SRRM1: variants seen among roughly 807,000 people sequenced by gnomAD.
The protein encoded by SRRM1 is serine and arginine repetitive matrix 1.
Under a neutral mutation model 110.2 loss-of-function variants are expected in SRRM1, and 19 were observed. That is an observed-to-expected ratio of 0.17 (90% CI 0.12 to 0.25). The LOEUF is 0.25. Among genes scored for constraint, SRRM1 ranks in the 10% least tolerant of loss-of-function variants. SRRM1 has a pLI of 1.00. For missense variants in SRRM1, 918 were observed against 1,145.8 expected (o/e 0.80, Z 2.87); for synonymous variants, 443 against 414.9 (o/e 1.07, Z -0.82).
In SRRM1 at chr1:24,652,044, A is replaced by ATATATATATATT. The variant is rs1661136556; in HGVS notation, c.726-379_726-378insTTATATATATAT. ...CTGTACTAAAAATATATATATATAT[A>ATATATATATATT]TATATATATATATATATATGTACAC... is the stretch of plus-strand genomic sequence containing the variant. On this transcript the variant is annotated intron_variant, in intron 6 of 16. Transcript: ENST00000323848. Among the ~76,000 whole-genome samples the ATATATATATATT allele has an allele frequency of 2.4e-5, 3 of 125,784 alleles. 1 individual carries two copies. The highest frequency in any genetic ancestry group is 3.3e-5 in the Non-Finnish European group (2 of 60,988). The allele number at this position is 125,784 out of a possible 152,430, so 82.5% of individuals were successfully genotyped here.
chr1:24,669,357 C>G lies in SRRM1; in HGVS notation c.1974C>G (p.Ser658=), dbSNP rs548265540. ...VTKRRSPSLS[S]KHRKGSSPSR... ...AGAGACGTTCACCTTCATTATCATC[C>G]AAGCATAGGAAAGGGTCTTCCCCAA... The change falls in exon 14 of 17, where the codon TCC becomes TCG. Residue 658 remains serine, a synonymous_variant. Coordinates refer to ENST00000323848, the MANE Select transcript of SRRM1 (RefSeq NM_005839.4). 8.1e-6 allele frequency: 13 copies of G among 1,614,176 alleles called. No individual in the cohort carries two copies. In the African/African-American group the frequency reaches 1.7e-4, roughly 22 times the overall value.
chr1:24,670,156 C>T lies in SRRM1; in HGVS notation c.2241C>T (p.Val747=). ...ASPSPQSVRR[V]SSSRSVSGSP... is the part of the protein sequence containing the mutation. ...CAAGCCCACAGTCTGTAAGAAGGGT[C>T]TCATCCTCCCGATCTGTCTCCGGGT... Residue 747 remains valine, a synonymous_variant, in exon 15 of 17, where the codon GTC becomes GTT. Coordinates refer to ENST00000323848, the MANE Select transcript of SRRM1 (RefSeq NM_005839.4). 1 of 1,612,256 alleles carries T rather than the reference C, an allele frequency of 6.2e-7. No individual in the cohort carries two copies.
Position 24,669,419 on chromosome 1 carries a change from A to C in SRRM1, c.2036A>C (p.Asn679Thr), listed in dbSNP as rs367922434. Residue 679 changes from asparagine (N) to threonine (T), a missense_variant, in exon 14 of 17, where the codon AAC (asparagine) becomes ACC (threonine). Coordinates refer to ENST00000323848, the MANE Select transcript of SRRM1 (RefSeq NM_005839.4). ...STREARSPQP[N>T]KRHSPSPRPR... is the part of the protein sequence containing the mutation. ...CGGGAGGCCCGATCACCACAACCAA[A>C]CAAACGGCATTCGCCCTCACCACGG... The C allele has an allele frequency of 7.4e-6, 12 of 1,613,912 alleles. No individual in the cohort carries two copies. Among genetic ancestry groups the C allele is most frequent in the Non-Finnish European group, 1.0e-5 (12 of 1,180,018 alleles).
chr1:24,664,240 CCCGCCTCGG>C (rs764028304), intron 12 of SRRM1, among the ~76,000 whole-genome samples: 2 of 152,162 alleles, frequency 1.3e-5, no homozygotes, highest in East Asian at 3.9e-4. Context: ...AGGTGATCCA[CCCGCCTCGG>C]CCTCCCAAAG....
chr1:24,669,383 G>A lies in SRRM1; in HGVS notation c.2000G>A (p.Ser667Asn). The A allele has an allele frequency of 1.9e-6, 3 of 1,614,128 alleles. No individual in the cohort carries two copies. Among genetic ancestry groups the A allele is most frequent in the African/African-American group, 1.3e-5 (1 of 75,014 alleles). ...SSKHRKGSSP[S>N]RSTREARSPQ... ...AAGCATAGGAAAGGGTCTTCCCCAAGCCGCTCTACCCGGGAGGCCCGATCA... is the reference window on the plus strand; with the variant it reads ...AAGCATAGGAAAGGGTCTTCCCCAAACCGCTCTACCCGGGAGGCCCGATCA... Residue 667 changes from serine to asparagine, a missense_variant, in exon 14 of 17, where the codon AGC becomes AAC. By Grantham distance (46) the Ser-to-Asn change is conservative (BLOSUM62 1). This residue lies in a region of SRRM1 where 357 missense variants were observed against 402.9 expected (regional missense o/e 0.89). Transcript: ENST00000323848.
In SRRM1 at chr1:24,648,956, G is replaced by A. The variant is rs757298937; in HGVS notation, c.332G>A (p.Ser111Asn). Residue 111 changes from serine (S) to asparagine (N), a missense_variant, in exon 4 of 17, where the codon AGT becomes AAT. Physicochemically the swap from Ser to Asn is conservative, Grantham distance 46 (BLOSUM62 1). Coordinates refer to ENST00000323848, the MANE Select transcript of SRRM1 (RefSeq NM_005839.4). ...GGAGAACTGTGGCCCCTGCTGCTAAGTGCACAAGAAAACATCGCGGGAATC... is the reference window on the plus strand; with the variant it reads ...GGAGAACTGTGGCCCCTGCTGCTAAATGCACAAGAAAACATCGCGGGAATC... The part of the protein sequence containing the change: ...FMGELWPLLL[S>N]AQENIAGIPS... 2 of 1,613,964 alleles carry A rather than the reference G, an allele frequency of 1.2e-6. No individual in the cohort carries two copies. Among genetic ancestry groups the A allele is most frequent in the South Asian group, 1.1e-5 (1 of 91,076 alleles).
chr1:24,654,893 C>T lies in SRRM1; in HGVS notation c.1079C>T (p.Ser360Leu), dbSNP rs1376825872. Reference protein sequence around the residue: ...RSSASLSGSSSSSSSSRSRSP... With the variant: ...RSSASLSGSSLSSSSSRSRSP... ...TCAGCATCCTTGTCTGGGAGTAGCT[C>T]ATCATCCTCTTCATCTCGTTCACGG... Residue 360 changes from serine (S) to leucine (L), a missense_variant, in exon 9 of 17, where the codon TCA (serine) becomes TTA (leucine). Around this residue, in one of 5 missense-constraint regions of SRRM1, gnomAD observed 456 missense variants for 453.5 expected, o/e 1.01. Coordinates refer to ENST00000323848, the MANE Select transcript of SRRM1 (RefSeq NM_005839.4). The T allele has an allele frequency of 6.2e-7, 1 of 1,614,156 alleles. No individual in the cohort carries two copies. The highest frequency in any genetic ancestry group is 2.2e-5 in the East Asian group (1 of 44,892).
At chr1:24,661,234 CT>C in intron 10 of SRRM1, 75 bp from the exon 11 acceptor site, 1 of 1,010,112 alleles carries the variant, frequency 9.9e-7, no homozygotes, top group Admixed American at 2.0e-5. Flanking sequence ...GTTTGAGAGA[CT>C]ATTTTCCTAT....
At chr1:24,644,110 T>C (rs1405188540) in intron 1 of SRRM1, among the ~76,000 whole-genome samples, 2 of 152,152 alleles carry the variant, frequency 1.3e-5, no homozygotes, top group Admixed American at 6.5e-5. Flanking sequence ...TGTTTTACTC[T>C]TGGAGTCCGC....
At chr1:24,672,128 G>C in intron 16 of SRRM1, 54 bp from the exon 17 acceptor site, 1 of 1,377,186 alleles carries the variant, frequency 7.3e-7, no homozygotes, top group South Asian at 1.2e-5. Context: ...CTCTTTACTC[G>C]GCATTTCCCA....
chr1:24,645,898 C>T (rs1657235020), intron 1 of SRRM1, 86 bp from the exon 2 acceptor site: 5 of 1,003,518 alleles, frequency 5.0e-6, no homozygotes, highest in East Asian at 2.5e-5. Context: ...ACTTGGTTAC[C>T]CTATTTTGGC....
rs1209419037 is a variant in SRRM1 at position 24,649,978 on chromosome 1, A to G, written c.413A>G (p.Gln138Arg). 1.9e-6 allele frequency: 3 copies of G among 1,580,846 alleles called. No homozygotes were observed. The highest frequency in any genetic ancestry group is 1.7e-6 in the Non-Finnish European group (2 of 1,166,346). ...KEEIKQRQIE[Q>R]EKLASMKKQD... ...AAAACCTGGTCTTTGCAGATTGAAC[A>G]AGAAAAACTGGCATCTATGAAAAAG... is the stretch of plus-strand genomic sequence containing the variant. Residue 138 changes from glutamine to arginine, a missense_variant, in exon 5 of 17, where the codon CAA becomes CGA. Gln to Arg is a conservative substitution (Grantham distance 43, BLOSUM62 1). Around this residue, in one of 5 missense-constraint regions of SRRM1, gnomAD observed 456 missense variants for 453.5 expected, o/e 1.01. Coordinates refer to ENST00000323848, the MANE Select transcript of SRRM1 (RefSeq NM_005839.4).
chr1:24,665,992 A>G (rs1233300254), intron 12 of SRRM1, among the ~76,000 whole-genome samples: 1 of 152,224 alleles, frequency 6.6e-6, no homozygotes, highest in African/African-American at 2.4e-5. Flanking sequence ...ACTTGTGACT[A>G]TTGGCATTTT....
In SRRM1 at chr1:24,672,189, A is replaced by G; in HGVS notation, c.2618A>G (p.Glu873Gly). 1 of 1,609,200 alleles carries G rather than the reference A, an allele frequency of 6.2e-7. No individual in the cohort carries two copies. Among genetic ancestry groups the G allele is most frequent in the Non-Finnish European group, 8.5e-7 (1 of 1,177,222 alleles). Residue 873 changes from glutamate to glycine, a missense_variant, in exon 17 of 17, where the codon GAA becomes GGA. By Grantham distance (98) the Glu-to-Gly change is moderately conservative. This residue lies in a region of SRRM1 where 62 missense variants were observed against 127.6 expected (regional missense o/e 0.49). Transcript: ENST00000323848. Reference sequence around the variant, plus strand: ...AAATTCTGTTTTTTTTAGGAGACTGAAAGTGAAGCTGAAGATAACCTTGAT... The same window carrying G: ...AAATTCTGTTTTTTTTAGGAGACTGGAAGTGAAGCTGAAGATAACCTTGAT... ...VAAPEPKKET[E>G]SEAEDNLDDL...
In SRRM1 at chr1:24,669,557, C is replaced by T. The variant is rs778020357; in HGVS notation, c.2174C>T (p.Ser725Phe). 1.9e-6 allele frequency: 3 copies of T among 1,596,250 alleles called. No homozygotes were observed. The South Asian group carries it at 3.4e-5, about 18-fold the overall frequency. Residue 725 changes from serine (S) to phenylalanine (F), a missense_variant, in exon 14 of 17, where the codon TCC (serine) becomes TTC (phenylalanine). This residue lies in a region of SRRM1 where 357 missense variants were observed against 402.9 expected (regional missense o/e 0.89). Coordinates refer to ENST00000323848, the MANE Select transcript of SRRM1 (RefSeq NM_005839.4). ...AGTACTAGGCCCATTAGGAGAGTCT[C>T]CAGGACTCCGGAACCTAAAAAGATA... The part of the protein sequence containing the change: ...SPSTRPIRRV[S>F]RTPEPKKIKK...
chr1:24,669,272 C>T lies in SRRM1; in HGVS notation c.1889C>T (p.Pro630Leu), dbSNP rs777244166. The change falls in exon 14 of 17, where the codon CCA becomes CTA. Residue 630 changes from proline to leucine, a missense_variant. Physicochemically the swap from Pro to Leu is moderately conservative, Grantham distance 98. This residue lies in a region of SRRM1 where 357 missense variants were observed against 402.9 expected (regional missense o/e 0.89). Transcript: ENST00000323848. The stretch of plus-strand genomic sequence containing the variant: ...AAACGAAGAGCATCACCATCTCCAC[C>T]ACCAAAGCGGCGGGTCTCCCATTCT... ...PPKRRASPSP[P>L]PKRRVSHSPP... 2 of 1,614,166 alleles carry T rather than the reference C, an allele frequency of 1.2e-6. No individual in the cohort carries two copies. The highest frequency in any genetic ancestry group is 2.2e-5 in the East Asian group (1 of 44,868).
chr1:24,664,258 A>T (rs1332208401), intron 12 of SRRM1, among the ~76,000 whole-genome samples: 1 of 152,214 alleles, frequency 6.6e-6, no homozygotes, highest in East Asian at 1.9e-4. Flanking sequence ...GGCCTCCCAA[A>T]GTGTTGGGAT....
At chr1:24,647,027 AAGTTACTTTG>A (rs1658073140) in intron 3 of SRRM1, 2 of 350,720 alleles carry the variant, frequency 5.7e-6, no homozygotes, top group South Asian at 1.2e-4. Context: ...GTTACATGTT[AAGTTACTTTG>A]ACAGCAATTT....
In SRRM1 at chr1:24,672,227, C is replaced by G; in HGVS notation, c.2656C>G (p.His886Asp). The change falls in exon 17 of 17, where the codon CAC (histidine) becomes GAC (aspartate). Residue 886 changes from histidine (H) to aspartate (D), a missense_variant. Transcript: ENST00000323848. ...AEDNLDDLEK[H>D]LREKALRSMR... ...AGATAACCTTGATGATTTAGAAAAGCACCTGCGTGAAAAGGCCCTGAGATC... is the reference window on the plus strand; with the variant it reads ...AGATAACCTTGATGATTTAGAAAAGGACCTGCGTGAAAAGGCCCTGAGATC... 1 of 1,611,242 alleles carries G rather than the reference C, an allele frequency of 6.2e-7. No individual in the cohort carries two copies. The highest frequency in any genetic ancestry group is 8.5e-7 in the Non-Finnish European group (1 of 1,178,568).
Sources: gnomAD v4.1 joint callset for allele counts (sites outside exome capture counted in the v4.1 genomes callset) on GRCh38, gnomAD v4.1.1 for gene constraint, gnomAD v4.1.1 regional missense constraint, MANE v1.5 for transcripts, NCBI Gene and HGNC (gene_info 2026-07-23, HGNC 2026-07-21) for gene names.